Variants in FYB2 observed in about 807,000 individuals in gnomAD.
FYB2 encodes FYN-binding protein 2.
A neutral mutation model predicts 94.1 loss-of-function variants in FYB2; 103 were observed. The observed-to-expected ratio is 1.09, with a 90% CI of 0.93 to 1.29. The LOEUF (loss-of-function observed/expected upper bound fraction) is 1.29. Among genes scored for constraint, FYB2 ranks in the 50% most tolerant of loss-of-function variants. The pLI is 0.00. For missense variants in FYB2, 896 were observed against 841.5 expected, an observed-to-expected ratio of 1.06 and a Z score of -0.80; for synonymous variants, 293 against 287.9, an observed-to-expected ratio of 1.02 and a Z score of -0.18.
chr1:56,817,806 C>T (rs960611421), intron 1 of FYB2, among the ~76,000 whole-genome samples: 1 of 152,136 alleles, frequency 6.6e-6, no homozygotes, highest in African/African-American at 2.4e-5. Context: ...CAAACATGCT[C>T]TTTTGTACAT....
chr1:56,786,649 C>T (rs947361842), intron 4 of FYB2, among the ~76,000 whole-genome samples: 3 of 152,156 alleles, frequency 2.0e-5, no homozygotes, highest in African/African-American at 7.2e-5. Context: ...TGAGCGGCAG[C>T]AGCAACTGTG....
Position 56,751,120 on chromosome 1 carries a change from T to G in FYB2, c.1311A>C (p.Gln437His). Reference sequence around the variant, plus strand: ...TCTGGATGATGTCAATCATGGCCTCTTGCTTTCCAGCCAACATGTTCCTTC... The same window carrying G: ...TCTGGATGATGTCAATCATGGCCTCGTGCTTTCCAGCCAACATGTTCCTTC... ...TGRRNMLAGKQEAMIDIIQTN... is the reference protein window; with the variant it reads ...TGRRNMLAGKHEAMIDIIQTN... The change falls in exon 9 of 20, where the codon CAA becomes CAC. Residue 437 changes from glutamine to histidine, a missense_variant. Transcript: ENST00000343433. 1 of 1,612,924 alleles carries G rather than the reference T, an allele frequency of 6.2e-7. No homozygotes were observed. The highest frequency in any genetic ancestry group is 1.7e-5 in the Admixed American group (1 of 59,862).
intron 4 of FYB2, among the ~76,000 whole-genome samples, chr1:56,778,099 T>G (rs1381115312): frequency 6.6e-6 from 1 of 152,144 alleles, no homozygotes; most frequent in African/African-American, 2.4e-5. Flanking sequence ...TTTACAAGGA[T>G]GCAGTGCTCT....
chr1:56,793,106 A>G (rs1646312462), intron 1 of FYB2, among the ~76,000 whole-genome samples: 1 of 152,184 alleles, frequency 6.6e-6, no homozygotes, highest in African/African-American at 2.4e-5. Context: ...AACAGTGGAG[A>G]AACCCCTTGA....
chr1:56,728,541 TTAAATAGA>T (rs1644633889), intron 15 of FYB2, among the ~76,000 whole-genome samples: 1 of 152,050 alleles, frequency 6.6e-6, no homozygotes, highest in Admixed American at 6.6e-5. Context: ...AGTACCTAAC[TTAAATAGA>T]TAAAGTTAGA....
intron 1 of FYB2, among the ~76,000 whole-genome samples, chr1:56,810,494 A>G (rs1044063422): frequency 6.6e-6 from 1 of 152,018 alleles, no homozygotes; most frequent in African/African-American, 2.4e-5. Flanking sequence ...TTAGACTTAG[A>G]CTCAATTCAC....
Position 56,792,806 on chromosome 1 carries a change from A to G in FYB2, c.10-3T>C. 1 of 1,598,118 alleles carries G rather than the reference A, an allele frequency of 6.3e-7. No individual in the cohort carries two copies. Among genetic ancestry groups the G allele is most frequent in the African/African-American group, 1.3e-5 (1 of 74,364 alleles). ...TCCTTGAAGTTTCTTACCCCTTCCT[A>G]AGGCAAAGAATAATCAAACAAACAA... is the stretch of plus-strand genomic sequence containing the variant. On this transcript the variant is annotated splice_region_variant and splice_polypyrimidine_tract_variant and intron_variant, in intron 1 of 19. Transcript: ENST00000343433.
intron 14 of FYB2, among the ~76,000 whole-genome samples, 160 bp downstream of exon 14, chr1:56,738,465 A>G (rs1198907029): frequency 1.3e-5 from 2 of 152,132 alleles, no homozygotes; most frequent in Admixed American, 1.3e-4. Context: ...ATCTTCTCCA[A>G]AGTAAAAAAA....
At chr1:56,810,684 C>T (rs1279297339) in intron 1 of FYB2, among the ~76,000 whole-genome samples, 1 of 152,156 alleles carries the variant, frequency 6.6e-6, no homozygotes, top group African/African-American at 2.4e-5. Flanking sequence ...CTGAGAGATG[C>T]CAGTTTCATG....
intron 15 of FYB2, among the ~76,000 whole-genome samples, chr1:56,733,277 T>A (rs577659428): frequency 2.2e-4 from 33 of 152,252 alleles, no homozygotes; most frequent in African/African-American, 7.9e-4. Context: ...GGTGGTGATA[T>A]CCCCTTTATC....
intron 1 of FYB2, among the ~76,000 whole-genome samples, chr1:56,794,161 G>A (rs941724101): frequency 6.6e-6 from 1 of 152,160 alleles, no homozygotes; most frequent in Non-Finnish European, 1.5e-5. Context: ...CTCCAATTTG[G>A]TATATGAAAA....
intron 9 of FYB2, among the ~76,000 whole-genome samples, chr1:56,746,171 A>G (rs1645062865): frequency 6.6e-6 from 1 of 151,992 alleles, no homozygotes; most frequent in South Asian, 2.1e-4. Flanking sequence ...CTCTGTGAGA[A>G]AAGGAATTTT....
At chr1:56,773,115 A>C (rs1158449142) in intron 4 of FYB2, among the ~76,000 whole-genome samples, 1 of 152,196 alleles carries the variant, frequency 6.6e-6, no homozygotes, top group Admixed American at 6.5e-5. Context: ...GAAAATTTCT[A>C]ATTTTGTTTG....
At chr1:56,725,438 A>G (rs1644564949) in intron 16 of FYB2, among the ~76,000 whole-genome samples, 1 of 152,208 alleles carries the variant, frequency 6.6e-6, no homozygotes, top group South Asian at 2.1e-4. Context: ...TTATACTGTT[A>G]TATCACTCTG....
rs748913005 is a variant in FYB2, at chr1:56,789,031, G to A, written c.861C>T (p.Ile287=). 2.9e-5 allele frequency: 47 copies of A among 1,613,984 alleles called. No individual in the cohort carries two copies. Among genetic ancestry groups the A allele is most frequent in the African/African-American group, 6.7e-5 (5 of 74,916 alleles). Residue 287 remains isoleucine (I), a synonymous_variant, in exon 3 of 20, where the codon ATC becomes ATT. Coordinates refer to ENST00000343433, the MANE Select transcript of FYB2 (RefSeq NM_001004303.5). ...GCCTCTGAAAGGCCTGGAGGTTCAC[G>A]ATGGGAGGTCTTGAAGGCTTTGGGG... is the stretch of plus-strand genomic sequence containing the variant. ...PPPPKPSRPP[I]VNLQAFQRQP...
In FYB2 at chr1:56,719,638, T is replaced by C; in HGVS notation, c.*33A>G. 1 of 1,576,516 alleles carries C rather than the reference T, an allele frequency of 6.3e-7. No individual in the cohort carries two copies. The highest frequency in any genetic ancestry group is 8.7e-7 in the Non-Finnish European group (1 of 1,154,244). ...CTAGGATCTTAGGACTAGTTCTCCT[T>C]TGTGCAGTCCATAGCATTTGATCTT... On this transcript the variant is annotated 3_prime_UTR_variant, in exon 20 of 20. Coordinates refer to ENST00000343433, the MANE Select transcript of FYB2 (RefSeq NM_001004303.5).
chr1:56,735,411 T>G (rs1644808297), intron 15 of FYB2, among the ~76,000 whole-genome samples: 1 of 152,234 alleles, frequency 6.6e-6, no homozygotes, highest in Non-Finnish European at 1.5e-5. Context: ...TAAGAAAGGT[T>G]GCTGTCATAG....
chr1:56,773,808 G>A, intron 4 of FYB2, among the ~76,000 whole-genome samples: 1 of 152,104 alleles, frequency 6.6e-6, no homozygotes, highest in East Asian at 1.9e-4. Flanking sequence ...ATGCATTTTG[G>A]AGACAGGATG....
chr1:56,767,708 A>C, intron 5 of FYB2, 121 bp downstream of exon 5: 1 of 730,478 alleles, frequency 1.4e-6, no homozygotes, highest in South Asian at 1.8e-5. Flanking sequence ...AAAAGAAATA[A>C]GATGGTTGTG....
Sources: gnomAD v4.1 joint callset for allele counts (sites outside exome capture counted in the v4.1 genomes callset) on GRCh38, gnomAD v4.1.1 for gene constraint, MANE v1.5 for transcripts, NCBI Gene and HGNC (gene_info 2026-07-23, HGNC 2026-07-21) for gene names.